C3orf70: variants seen among roughly 807,000 people sequenced by gnomAD.
The protein encoded by C3orf70 is UPF0524 protein C3orf70.
A neutral mutation model predicts 20.7 loss-of-function variants in C3orf70; 15 were observed. The observed-to-expected ratio is 0.72, with a 90% CI of 0.48 to 1.11. The LOEUF (loss-of-function observed/expected upper bound fraction) is 1.11. C3orf70 is among the 50% of genes most tolerant of loss of function. The probability of loss-of-function intolerance (pLI) is 0.00; values close to 1 mark genes in which losing one functional copy is unlikely to be tolerated. For synonymous variants in C3orf70, 161 were observed against 125.7 expected, an observed-to-expected ratio of 1.28 and a Z score of -1.88; for missense variants, 332 against 317.6, an observed-to-expected ratio of 1.05 and a Z score of -0.34.
At chr3:185,120,033 A>AAAAAAAAAAAAAAAAAAAGAAAAAGAAAG (rs55921240) in intron 1 of C3orf70, among the ~76,000 whole-genome samples, 15 of 100,742 alleles carry the variant, frequency 1.5e-4, no homozygotes, top group Non-Finnish European at 2.1e-4. Context: ...AAAAAAAAAA[A>AAAAAAAAAAAAAAAAAAAGAAAAAGAAAG]AAAAAGAAAA....
chr3:185,097,090 T>C (rs1479087583), intron 1 of C3orf70, among the ~76,000 whole-genome samples: 2 of 152,182 alleles, frequency 1.3e-5, no homozygotes, highest in East Asian at 1.9e-4. Context: ...CCCCATTTAA[T>C]CCACTGTGTG....
At chr3:185,084,547 G>A (rs16859592) in intron 1 of C3orf70, among the ~76,000 whole-genome samples, 8,985 of 151,458 alleles carry the variant, frequency 0.059, 577 homozygotes, top group African/African-American at 0.15. Flanking sequence ...GGCACTAAGC[G>A]ACCTAAGCCA....
rs1715280410 is a variant in C3orf70, at chr3:185,079,321, C to T, written c.*3686G>A. 1 of 145,560 alleles carries T rather than the reference C, an allele frequency of 6.9e-6. No homozygotes were observed. The highest frequency in any genetic ancestry group is 2.2e-4 in the South Asian group (1 of 4,616). The allele number at this position is 145,560 out of a possible 1,614,324, so 9.0% of individuals were successfully genotyped here. ...AAAAAAAAAGTAAAGCCACCACTCC[C>T]AAGATAGAATCAAATCCAAAAAGTA... On this transcript the variant is annotated 3_prime_UTR_variant, in exon 2 of 2. Transcript: ENST00000335012.
At chr3:185,125,384 AAACAACAACAACAAC>A (rs141336074) in intron 1 of C3orf70, among the ~76,000 whole-genome samples, 9,047 of 149,908 alleles carry the variant, frequency 0.06, 378 homozygotes, top group South Asian at 0.11. Context: ...CCATCTCCAA[AAACAACAACAACAAC>A]AACAACAACA....
chr3:185,121,657 T>A (rs1716299697), intron 1 of C3orf70, among the ~76,000 whole-genome samples: 1 of 152,002 alleles, frequency 6.6e-6, no homozygotes, highest in African/African-American at 2.4e-5. Flanking sequence ...GAGAGTGTAA[T>A]GAGACATGTG....
chr3:185,091,829 C>A (rs1715575952), intron 1 of C3orf70, among the ~76,000 whole-genome samples: 1 of 143,754 alleles, frequency 7.0e-6, no homozygotes, highest in South Asian at 2.2e-4. Context: ...GGATTACAGG[C>A]ACTTGCCACC....
At chr3:185,126,556 T>C (rs1716416265) in intron 1 of C3orf70, among the ~76,000 whole-genome samples, 1 of 152,170 alleles carries the variant, frequency 6.6e-6, no homozygotes, top group South Asian at 2.1e-4. Flanking sequence ...AACAGAAAGT[T>C]ACAATGCATA....
At chr3:185,111,143 CT>C (rs1716063851) in intron 1 of C3orf70, among the ~76,000 whole-genome samples, 1 of 152,152 alleles carries the variant, frequency 6.6e-6, no homozygotes. Flanking sequence ...AGAGCTAAAA[CT>C]ATAAATTTTT....
chr3:185,123,552 C>T (rs1321284055), intron 1 of C3orf70, among the ~76,000 whole-genome samples: 1 of 149,940 alleles, frequency 6.7e-6, no homozygotes, highest in African/African-American at 2.5e-5. Context: ...GTTGTCAAGA[C>T]TGGACTTGAA....
Position 185,077,832 on chromosome 3 carries a change from G to T in C3orf70, c.*5175C>A, listed in dbSNP as rs1044805332. 6.6e-6 allele frequency among the ~76,000 whole-genome samples: 1 copy of T among 150,968 alleles called. No individual in the cohort carries two copies. The highest frequency in any genetic ancestry group is 2.0e-4 in the East Asian group (1 of 5,122). On this transcript the variant is annotated 3_prime_UTR_variant, in exon 2 of 2. Transcript: ENST00000335012. The stretch of plus-strand genomic sequence containing the variant: ...TTTTATTTGCTATAAACCCAATGTA[G>T]CCAGAGTTCTGGGAGTTATCATGAG...
chr3:185,085,306 T>G (rs1715437209), intron 1 of C3orf70, among the ~76,000 whole-genome samples: 1 of 152,142 alleles, frequency 6.6e-6, no homozygotes, highest in African/African-American at 2.4e-5. Flanking sequence ...AATTTCAGAT[T>G]AGAAATGAAG....
rs1715333994 is a variant in C3orf70, at chr3:185,081,413, T to A, written c.*1594A>T. ...TGGGCAGCAAGAGGGAAACTCCATC[T>A]CAAAAAAAAAAAAATTAATGTGACG... On this transcript the variant is annotated 3_prime_UTR_variant, in exon 2 of 2. Transcript: ENST00000335012. 1.4e-5 allele frequency: 2 copies of A among 142,476 alleles called. No homozygotes were observed. Among genetic ancestry groups the A allele is most frequent in the Non-Finnish European group, 1.5e-5 (1 of 65,226 alleles). 8.8% of individuals were successfully genotyped at this position (142,476 alleles called of 1,614,324 possible).
chr3:185,139,127 G>C (rs537854795), intron 1 of C3orf70, among the ~76,000 whole-genome samples: 54 of 151,516 alleles, frequency 3.6e-4, no homozygotes, highest in Admixed American at 7.2e-4. Context: ...GGGAGCAGGA[G>C]GGGGAGCGGG....
intron 1 of C3orf70, among the ~76,000 whole-genome samples, chr3:185,133,042 T>C (rs1716554364): frequency 6.6e-6 from 1 of 152,162 alleles, no homozygotes; most frequent in Non-Finnish European, 1.5e-5. Context: ...AGTGAAAATA[T>C]CTTTAAAGAA....
intron 1 of C3orf70, among the ~76,000 whole-genome samples, chr3:185,116,293 T>C (rs773928990): frequency 2.6e-5 from 4 of 152,192 alleles, no homozygotes; most frequent in Non-Finnish European, 5.9e-5. Context: ...TAATGGCACA[T>C]GGAATACGAA....
chr3:185,141,320 T>C (rs1473402534), intron 1 of C3orf70, among the ~76,000 whole-genome samples: 1 of 151,118 alleles, frequency 6.6e-6, no homozygotes, highest in African/African-American at 2.4e-5. Context: ...GAATGTAAAA[T>C]GGAATAGACC....
At chr3:185,104,133 C>T (rs11719078) in intron 1 of C3orf70, among the ~76,000 whole-genome samples, 1 of 152,090 alleles carries the variant, frequency 6.6e-6, no homozygotes, top group Non-Finnish European at 1.5e-5. Context: ...CTGGCTCCCC[C>T]CTCCGCTGTG....
At chr3:185,102,146 A>G (rs1489975386) in intron 1 of C3orf70, among the ~76,000 whole-genome samples, 1 of 152,198 alleles carries the variant, frequency 6.6e-6, no homozygotes. Flanking sequence ...TTTGCAGACA[A>G]CACGATCCTA....
At chr3:185,105,984 A>T (rs1192973703) in intron 1 of C3orf70, among the ~76,000 whole-genome samples, 2 of 152,324 alleles carry the variant, frequency 1.3e-5, no homozygotes, top group African/African-American at 4.8e-5. Flanking sequence ...TTTACCAGCT[A>T]AAGTGGCAAA....
Sources: gnomAD v4.1 joint callset for allele counts (sites outside exome capture counted in the v4.1 genomes callset) on GRCh38, gnomAD v4.1.1 for gene constraint, MANE v1.5 for transcripts, NCBI Gene and HGNC (gene_info 2026-07-23, HGNC 2026-07-21) for gene names.